The following DCHS2 variants were observed in gnomAD, a reference collection of about 807,000 sequenced individuals.
The protein encoded by DCHS2 is protocadherin-23.
DCHS2 carries 142 observed loss-of-function variants against 182.4 expected under a neutral mutation model. That is an observed-to-expected ratio of 0.78 (90% CI 0.68 to 0.89). The LOEUF (loss-of-function observed/expected upper bound fraction) is 0.89. DCHS2 is among the 40% of genes least tolerant of loss of function. DCHS2 has a pLI of 0.00. For synonymous variants in DCHS2, 1,740 were observed against 1,663.3 expected (o/e 1.05, Z -1.12); for missense variants, 4,319 against 4,198.6 (o/e 1.03, Z -0.79).
At chr4:154,395,841 A>G (rs1731907511) in intron 1 of DCHS2, among the ~76,000 whole-genome samples, 1 of 152,240 alleles carries the variant, frequency 6.6e-6, no homozygotes, top group African/African-American at 2.4e-5. Flanking sequence ...TTATGGTAAT[A>G]AGAGTTGCTA....
chr4:154,391,338 T>C, intron 1 of DCHS2: 1 of 1,552,840 alleles, frequency 6.4e-7, no homozygotes, highest in South Asian at 1.2e-5. Flanking sequence ...TTCAACTTCA[T>C]GTCTCTGGCA....
chr4:154,482,723 T>TTGGATGGA (rs1395033811), intron 1 of DCHS2, among the ~76,000 whole-genome samples: 2 of 152,064 alleles, frequency 1.3e-5, no homozygotes, highest in Non-Finnish European at 2.9e-5. Context: ...TAGGGGATTG[T>TTGGATGGA]TGGATGGATG....
rs570142984 is a variant in DCHS2, at chr4:154,242,427, G to A, written c.7072+215C>T. On this transcript the variant is annotated intron_variant, in intron 17 of 19. Coordinates refer to ENST00000357232, the MANE Select transcript of DCHS2 (RefSeq NM_001358235.2). Reference sequence around the variant, plus strand: ...GATACTATAAGGGATGATGGTTGGAGCATGGGGACTTGCTTTGACATTTTA... The same window carrying A: ...GATACTATAAGGGATGATGGTTGGAACATGGGGACTTGCTTTGACATTTTA... 3.9e-4 allele frequency among the ~76,000 whole-genome samples: 60 copies of A among 152,248 alleles called. 1 individual carries two copies. The South Asian group carries it at 0.012, about 31-fold the overall frequency.
intron 9 of DCHS2, among the ~76,000 whole-genome samples, chr4:154,319,304 A>G (rs1333423277): frequency 6.6e-6 from 1 of 152,126 alleles, no homozygotes; most frequent in Non-Finnish European, 1.5e-5. Context: ...TTTCATGGGT[A>G]GACAACAAAA....
At chr4:154,430,340 A>G (rs1461957831) in intron 1 of DCHS2, among the ~76,000 whole-genome samples, 1 of 152,194 alleles carries the variant, frequency 6.6e-6, no homozygotes, top group Non-Finnish European at 1.5e-5. Flanking sequence ...GCTAAGATCA[A>G]AAGAGAAAAC....
chr4:154,473,073 G>A (rs529670588), intron 1 of DCHS2, among the ~76,000 whole-genome samples: 89 of 152,300 alleles, frequency 5.8e-4, no homozygotes, highest in African/African-American at 2.0e-3. Context: ...ATAAGCTACA[G>A]CACCTCCCTG....
At chr4:154,245,087 T>C (rs1732010536) in intron 16 of DCHS2, among the ~76,000 whole-genome samples, 1 of 152,194 alleles carries the variant, frequency 6.6e-6, no homozygotes, top group Non-Finnish European at 1.5e-5. Flanking sequence ...AGAAATATGT[T>C]GTTTAGCATC....
intron 10 of DCHS2, among the ~76,000 whole-genome samples, chr4:154,306,926 T>A (rs964637745): frequency 1.8e-4 from 28 of 152,176 alleles, no homozygotes; most frequent in Admixed American, 1.8e-3. Flanking sequence ...TTTCTCTGAC[T>A]TTTTAGAAAC....
chr4:154,245,352 C>A (rs1032429344), intron 16 of DCHS2, among the ~76,000 whole-genome samples: 1 of 152,086 alleles, frequency 6.6e-6, no homozygotes, highest in Non-Finnish European at 1.5e-5. Flanking sequence ...CCATTCTAAG[C>A]CTTTTAAATT....
At chr4:154,473,631 A>G (rs1579116020) in intron 1 of DCHS2, among the ~76,000 whole-genome samples, 1 of 152,148 alleles carries the variant, frequency 6.6e-6, no homozygotes, top group African/African-American at 2.4e-5. Context: ...GAGTCACACC[A>G]CCTTGACAGA....
At chr4:154,258,367 CT>C (rs771510956) in intron 15 of DCHS2, among the ~76,000 whole-genome samples, 5,249 of 58,926 alleles carry the variant, frequency 0.089, 49 homozygotes, top group African/African-American at 0.17. Flanking sequence ...AAAAGAAAGG[CT>C]TTTTTTTTTT....
intron 1 of DCHS2, among the ~76,000 whole-genome samples, chr4:154,404,935 G>A (rs1732335218): frequency 6.6e-6 from 1 of 152,100 alleles, no homozygotes; most frequent in African/African-American, 2.4e-5. Context: ...TCTACCCCCA[G>A]AGTCCACCCA....
intron 19 of DCHS2, among the ~76,000 whole-genome samples, chr4:154,238,286 C>T (rs779031516): frequency 5.9e-5 from 9 of 152,110 alleles, no homozygotes; most frequent in Non-Finnish European, 4.4e-5. Flanking sequence ...TTTACAACAC[C>T]CGGTGGGCTT....
At chr4:154,488,859 G>GGGCA (rs1475769634) in intron 1 of DCHS2, among the ~76,000 whole-genome samples, 1 of 151,942 alleles carries the variant, frequency 6.6e-6, no homozygotes, top group African/African-American at 2.4e-5. Flanking sequence ...GCAACAGAGT[G>GGGCA]ACACTCTGTT....
intron 1 of DCHS2, among the ~76,000 whole-genome samples, chr4:154,392,510 A>G (rs576795063): frequency 2.0e-5 from 3 of 152,312 alleles, no homozygotes; most frequent in East Asian, 1.9e-4. Context: ...GTGATTTCCA[A>G]TATGGACTGT....
chr4:154,414,194 T>C (rs71605203), intron 1 of DCHS2, among the ~76,000 whole-genome samples: 1 of 142,714 alleles, frequency 7.0e-6, no homozygotes, highest in Non-Finnish European at 1.5e-5. Flanking sequence ...TATATATATA[T>C]ATAGAGAGAG....
At chr4:154,247,414 T>C (rs1364549014) in intron 16 of DCHS2, among the ~76,000 whole-genome samples, 5 of 139,700 alleles carry the variant, frequency 3.6e-5, no homozygotes, top group African/African-American at 1.4e-4. Flanking sequence ...GAGGCAGAGG[T>C]TGCACTGAGC....
In DCHS2 at chr4:154,377,241, A is replaced by C. The variant is rs372190171; in HGVS notation, c.2244+12T>G. 1 of 1,611,382 alleles carries C rather than the reference A, an allele frequency of 6.2e-7. No individual in the cohort carries two copies. Among genetic ancestry groups the C allele is most frequent in the African/African-American group, 1.3e-5 (1 of 74,796 alleles). ...ATTATGTTTAAAATAAACTTCATAC[A>C]TAAAAACTTACCCCATCCTTAGCTT... On this transcript the variant is annotated intron_variant, in intron 2 of 19. Transcript: ENST00000357232.
chr4:154,481,908 A>G (rs1193697878), intron 1 of DCHS2, among the ~76,000 whole-genome samples: 6 of 152,208 alleles, frequency 3.9e-5, no homozygotes, highest in African/African-American at 1.4e-4. Context: ...ACCTGGAAAT[A>G]ATGAGAACGA....
Sources: allele counts gnomAD v4.1 joint callset (sites outside exome capture counted in the v4.1 genomes callset), GRCh38; gene constraint gnomAD v4.1.1; transcripts MANE v1.5; gene names NCBI Gene and HGNC (gene_info 2026-07-23, HGNC 2026-07-21).